The following TAFA1 variants were observed in gnomAD, a reference collection of about 807,000 sequenced individuals.
TAFA1 encodes the protein chemokine-like protein TAFA-1.
TAFA1 carries 4 observed loss-of-function variants against 18.5 expected under a neutral mutation model. The ratio of observed to expected loss-of-function variants is 0.22; its 90% CI spans 0.11 to 0.49. The LOEUF (loss-of-function observed/expected upper bound fraction) is 0.49. TAFA1 is among the 20% of genes least tolerant of loss of function. TAFA1 has a pLI of 0.98. For synonymous variants in TAFA1, 56 were observed against 55.2 expected (o/e 1.01, Z -0.06); for missense variants, 147 against 169.0 (o/e 0.87, Z 0.72).
intron 3 of TAFA1, 119 bp from the exon 4 acceptor site, chr3:68,538,637 G>A: frequency 1.1e-6 from 1 of 900,448 alleles, no homozygotes; most frequent in South Asian, 1.7e-5. Context: ...GCTAGTCATG[G>A]AGGATTAAAG....
At chr3:68,245,647 G>C (rs1424301971) in intron 2 of TAFA1, among the ~76,000 whole-genome samples, 1 of 152,180 alleles carries the variant, frequency 6.6e-6, no homozygotes, top group Non-Finnish European at 1.5e-5. Context: ...GTCACCTTTA[G>C]CAAATAGAAA....
chr3:68,321,269 C>A (rs1331671792), intron 2 of TAFA1, among the ~76,000 whole-genome samples: 1 of 152,140 alleles, frequency 6.6e-6, no homozygotes, highest in Non-Finnish European at 1.5e-5. Context: ...ATTATTACCC[C>A]TCTTGGTCAT....
chr3:68,144,651 G>T (rs1369068552), intron 2 of TAFA1, among the ~76,000 whole-genome samples: 1 of 152,166 alleles, frequency 6.6e-6, no homozygotes, highest in African/African-American at 2.4e-5. Context: ...CTAAGAATAT[G>T]TTTCCTGGCC....
chr3:68,280,359 C>T (rs2067876710), intron 2 of TAFA1, among the ~76,000 whole-genome samples: 1 of 152,176 alleles, frequency 6.6e-6, no homozygotes, highest in Admixed American at 6.5e-5. Context: ...GGCAATCTCT[C>T]TTTGTAAGTT....
chr3:68,024,597 G>A (rs1704771877), intron 2 of TAFA1, among the ~76,000 whole-genome samples: 1 of 152,232 alleles, frequency 6.6e-6, no homozygotes, highest in South Asian at 2.1e-4. Context: ...GGGAAGGCTA[G>A]CCTGGTTTAC....
chr3:68,200,994 A>G (rs1257946786), intron 2 of TAFA1, among the ~76,000 whole-genome samples: 2 of 151,622 alleles, frequency 1.3e-5, no homozygotes, highest in African/African-American at 4.8e-5. Context: ...TACATTCAAT[A>G]TATGCATTCA....
intron 2 of TAFA1, among the ~76,000 whole-genome samples, chr3:68,376,926 T>A (rs1243731273): frequency 6.6e-6 from 1 of 152,110 alleles, no homozygotes; most frequent in African/African-American, 2.4e-5. Flanking sequence ...GATGGTTCTA[T>A]AAGTGTTTGA....
At chr3:68,387,668 T>C (rs2070133690) in intron 2 of TAFA1, among the ~76,000 whole-genome samples, 4 of 152,264 alleles carry the variant, frequency 2.6e-5, no homozygotes, top group Admixed American at 6.5e-5. Flanking sequence ...TGAGTCGTTT[T>C]TCTGCTTTCA....
At chr3:68,382,625 T>C (rs1297286369) in intron 2 of TAFA1, among the ~76,000 whole-genome samples, 1 of 152,148 alleles carries the variant, frequency 6.6e-6, no homozygotes, top group Non-Finnish European at 1.5e-5. Flanking sequence ...CCCTGTATTA[T>C]AGTTTGAAGT....
At chr3:68,251,834 A>T (rs2067202078) in intron 2 of TAFA1, among the ~76,000 whole-genome samples, 1 of 152,216 alleles carries the variant, frequency 6.6e-6, no homozygotes, top group South Asian at 2.1e-4. Context: ...TCTTTTGATC[A>T]GCCATATGTA....
chr3:68,275,016 A>C (rs2107241102), intron 2 of TAFA1, among the ~76,000 whole-genome samples: 1 of 152,250 alleles, frequency 6.6e-6, no homozygotes, highest in South Asian at 2.1e-4. Flanking sequence ...CAGGCAAAAA[A>C]GAGATAAGTT....
intron 2 of TAFA1, among the ~76,000 whole-genome samples, chr3:68,258,328 T>A (rs1575717771): frequency 6.6e-6 from 1 of 152,262 alleles, no homozygotes; most frequent in East Asian, 1.9e-4. Context: ...GGGCTGACCT[T>A]TAGTCAGCAT....
chr3:68,458,968 G>A (rs1230910168), intron 3 of TAFA1, among the ~76,000 whole-genome samples: 1 of 152,162 alleles, frequency 6.6e-6, no homozygotes, highest in Non-Finnish European at 1.5e-5. Flanking sequence ...GAGAGGCAGG[G>A]CAAGGAAACA....
intron 3 of TAFA1, among the ~76,000 whole-genome samples, chr3:68,487,941 G>A (rs145247420): frequency 6.6e-6 from 1 of 152,192 alleles, no homozygotes; most frequent in Non-Finnish European, 1.5e-5. Flanking sequence ...GCCGCTACGT[G>A]ATCTGGCATC....
intron 3 of TAFA1, among the ~76,000 whole-genome samples, chr3:68,440,651 C>T (rs1264858115): frequency 1.3e-5 from 2 of 152,142 alleles, no homozygotes; most frequent in East Asian, 1.9e-4. Flanking sequence ...CCCAAACCTT[C>T]ATTCCTGAAG....
chr3:68,277,313 T>G (rs1239553610), intron 2 of TAFA1, among the ~76,000 whole-genome samples: 1 of 152,162 alleles, frequency 6.6e-6, no homozygotes, highest in Non-Finnish European at 1.5e-5. Context: ...GCATAAGAAA[T>G]TTGAAAGAGA....
chr3:68,158,443 T>C (rs1205842905), intron 2 of TAFA1, among the ~76,000 whole-genome samples: 3 of 152,016 alleles, frequency 2.0e-5, no homozygotes, highest in Non-Finnish European at 4.4e-5. Flanking sequence ...GAAGCTGATA[T>C]ACATTTCTCT....
At chr3:68,455,056 T>C (rs533792862) in intron 3 of TAFA1, among the ~76,000 whole-genome samples, 17 of 152,322 alleles carry the variant, frequency 1.1e-4, no homozygotes, top group African/African-American at 3.6e-4. Flanking sequence ...ATTATATGTA[T>C]ATTATACACT....
At chr3:68,255,297 T>C (rs7649352) in intron 2 of TAFA1, among the ~76,000 whole-genome samples, 5,310 of 152,266 alleles carry the variant, frequency 0.035, 310 homozygotes, top group African/African-American at 0.12. Context: ...CTTACAAACC[T>C]ATATTTTGTA....
Sources: allele counts gnomAD v4.1 joint callset (sites outside exome capture counted in the v4.1 genomes callset), GRCh38; gene constraint gnomAD v4.1.1; transcripts MANE v1.5; gene names NCBI Gene and HGNC (gene_info 2026-07-23, HGNC 2026-07-21).